The following KDM7A variants were observed in gnomAD, a reference collection of about 807,000 sequenced individuals.
KDM7A encodes the protein lysine demethylase 7A.
Under a neutral mutation model 114.8 loss-of-function variants are expected in KDM7A, and 28 were observed. The observed-to-expected ratio is 0.24, with a 90% confidence interval of 0.18 to 0.33. KDM7A has a LOEUF of 0.33. Ranked by LOEUF, KDM7A falls within the 10% of genes least tolerant of loss-of-function variation. KDM7A has a pLI of 1.00. For missense variants in KDM7A, 942 were observed against 1,142.5 expected (o/e 0.82, Z 2.53); for synonymous variants, 423 against 397.8 (o/e 1.06, Z -0.75).
intron 3 of KDM7A, among the ~76,000 whole-genome samples, chr7:140,130,401 A>G (rs960876908): frequency 1.3e-5 from 2 of 152,068 alleles, no homozygotes; most frequent in Non-Finnish European, 2.9e-5. Flanking sequence ...TGAGTGGATC[A>G]CCTGAGGTCA....
intron 11 of KDM7A, 94 bp downstream of exon 11, chr7:140,111,001 A>C (rs1431710963): frequency 5.7e-6 from 4 of 700,660 alleles, no homozygotes; most frequent in Non-Finnish European, 9.5e-6. Context: ...TAAGTGTGTA[A>C]GAGTTTTTAA....
rs187617079 is a variant in KDM7A at position 140,175,581 on chromosome 7, T to C, written c.194+1163A>G. Among the ~76,000 whole-genome samples, 14 of 152,332 alleles carry C rather than the reference T, an allele frequency of 9.2e-5. No individual in the cohort carries two copies. In the East Asian group the frequency reaches 2.3e-3, roughly 25 times the overall value. On this transcript the variant is annotated intron_variant, in intron 1 of 19. Coordinates refer to ENST00000397560, the MANE Select transcript of KDM7A (RefSeq NM_030647.2). ...TTTGGGAGCCCAACCCCAACTAGTT[T>C]CTTTGTTTAAATGCCTGTGAATCCC...
intron 1 of KDM7A, among the ~76,000 whole-genome samples, chr7:140,167,922 C>T (rs939636096): frequency 6.6e-6 from 1 of 151,412 alleles, no homozygotes; most frequent in Non-Finnish European, 1.5e-5. Context: ...TATTGAGGGA[C>T]AAAGGACTAA....
rs397974321 is a variant in KDM7A at position 140,154,499 on chromosome 7, T to TAAA, written c.195-15312_195-15310dup. Among the ~76,000 whole-genome samples the TAAA allele has an allele frequency of 5.7e-3, 425 of 74,270 alleles. 4 individuals carry two copies. The highest frequency in any genetic ancestry group is 0.019 in the African/African-American group (386 of 20,614). The allele number at this position is 74,270 out of a possible 152,430, so 48.7% of individuals were successfully genotyped here. A position where few individuals can be genotyped will look rare whatever the true frequency, so the allele number is the denominator to read the frequency against. On this transcript the variant is annotated intron_variant, in intron 1 of 19. Coordinates refer to ENST00000397560, the MANE Select transcript of KDM7A (RefSeq NM_030647.2). ...AAAGTAAGACTCTGTCTCTTAAAAT[T>TAAA]AAAAAAAAAAAAAAAAAAAAAGACA...
intron 3 of KDM7A, 150 bp downstream of exon 3, chr7:140,133,389 T>G (rs1818820503): frequency 1.9e-6 from 1 of 536,458 alleles, no homozygotes; most frequent in Admixed American, 3.2e-5. Flanking sequence ...ACTTTTCTAT[T>G]TCGTTAAGGA....
chr7:140,124,690 A>C lies in KDM7A; in HGVS notation c.982T>G (p.Phe328Val), dbSNP rs746658407. Residue 328 changes from phenylalanine (F) to valine (V), a missense_variant, in exon 7 of 20, where the codon TTT becomes GTT. By Grantham distance (50) the Phe-to-Val change is conservative (BLOSUM62 -1). This residue lies in a region of KDM7A where 318 missense variants were observed against 453.1 expected (regional missense o/e 0.70). Coordinates refer to ENST00000397560, the MANE Select transcript of KDM7A (RefSeq NM_030647.2). Reference sequence around the variant, plus strand: ...TAGCATTTATCCACCTTATCTCCAAAGAACACCTCACTCTGGGTCACAGAT... The same window carrying C: ...TAGCATTTATCCACCTTATCTCCAACGAACACCTCACTCTGGGTCACAGAT... The part of the protein sequence containing the change: ...SSSVTQSEVF[F>V]GDKVDKCYKC... 4 of 1,613,694 alleles carry C rather than the reference A, an allele frequency of 2.5e-6. No homozygotes were observed. The South Asian group carries it at 4.4e-5, about 18-fold the overall frequency.
At chr7:140,174,245 A>G (rs1412426161) in intron 1 of KDM7A, among the ~76,000 whole-genome samples, 1 of 152,130 alleles carries the variant, frequency 6.6e-6, no homozygotes, top group Non-Finnish European at 1.5e-5. Context: ...ATATAGCTAA[A>G]TTTTCTAACT....
At chr7:140,154,789 C>T (rs928199764) in intron 1 of KDM7A, among the ~76,000 whole-genome samples, 2 of 151,976 alleles carry the variant, frequency 1.3e-5, no homozygotes, top group African/African-American at 4.8e-5. Context: ...TTATTATTTT[C>T]CACCTTGGAA....
intron 11 of KDM7A, among the ~76,000 whole-genome samples, chr7:140,109,815 G>A (rs546975772): frequency 4.5e-4 from 69 of 152,194 alleles, no homozygotes; most frequent in Non-Finnish European, 1.5e-4. Context: ...ATAACCCAGC[G>A]CCACATAACA....
chr7:140,106,479 AT>A (rs1330586996), intron 11 of KDM7A, among the ~76,000 whole-genome samples: 1 of 152,194 alleles, frequency 6.6e-6, no homozygotes, highest in Non-Finnish European at 1.5e-5. Context: ...AGATTCTGGT[AT>A]GCTGTGTCTT....
At chr7:140,112,880 G>C (rs1818455536) in intron 10 of KDM7A, among the ~76,000 whole-genome samples, 1 of 152,240 alleles carries the variant, frequency 6.6e-6, no homozygotes, top group South Asian at 2.1e-4. Context: ...GAGGTGGTGG[G>C]ATTCAAATGC....
chr7:140,115,612 C>T (rs1398299113), intron 9 of KDM7A, among the ~76,000 whole-genome samples: 6 of 151,848 alleles, frequency 4.0e-5, no homozygotes, highest in Admixed American at 3.9e-4. Context: ...CGTTAAGAGT[C>T]ATCACCACTC....
intron 2 of KDM7A, 41 bp downstream of exon 2, chr7:140,139,064 T>C: frequency 7.5e-7 from 1 of 1,330,022 alleles, no homozygotes; most frequent in Admixed American, 1.7e-5. Flanking sequence ...AATGTCAGTT[T>C]TTCTGAAATG....
chr7:140,092,040 C>A lies in KDM7A; in HGVS notation c.2495G>T (p.Gly832Val). ...TACCCTCTGACTAATTTCTGATGAACCTTCCTTTCTGATGCATTTCTGGCT... is the reference window on the plus strand; with the variant it reads ...TACCCTCTGACTAATTTCTGATGAAACTTCCTTTCTGATGCATTTCTGGCT... ...SRSQKCIRKE[G>V]SSEISQRVQS... Residue 832 changes from glycine to valine, a missense_variant, in exon 19 of 20, where the codon GGT (glycine) becomes GTT (valine). By Grantham distance (109) the Gly-to-Val change is moderately radical (BLOSUM62 -3). Coordinates refer to ENST00000397560, the MANE Select transcript of KDM7A (RefSeq NM_030647.2). The A allele has an allele frequency of 6.2e-7, 1 of 1,614,134 alleles. No individual in the cohort carries two copies. Among genetic ancestry groups the A allele is most frequent in the Non-Finnish European group, 8.5e-7 (1 of 1,180,014 alleles).
chr7:140,174,057 G>A (rs998001817), intron 1 of KDM7A, among the ~76,000 whole-genome samples: 3 of 151,862 alleles, frequency 2.0e-5, no homozygotes, highest in Non-Finnish European at 4.4e-5. Context: ...CCAGCTACTC[G>A]GGAGGCTGAG....
chr7:140,092,170 A>T (rs1818030910), intron 18 of KDM7A, 93 bp from the exon 19 acceptor site: 2 of 1,161,528 alleles, frequency 1.7e-6, no homozygotes, highest in Non-Finnish European at 2.5e-6. Context: ...GTGAGAGAAG[A>T]AACAAACTAC....
intron 11 of KDM7A, among the ~76,000 whole-genome samples, chr7:140,109,177 C>T (rs1390628225): frequency 7.9e-5 from 12 of 152,216 alleles, no homozygotes; most frequent in African/African-American, 2.7e-4. Flanking sequence ...TCACGGCTTC[C>T]CTTAGCTAGG....
rs1818064440 is a variant in KDM7A, at chr7:140,094,042, A to C, written c.2457+14T>G. The C allele has an allele frequency of 1.4e-6, 2 of 1,478,648 alleles. No individual in the cohort carries two copies. The allele number at this position is 1,478,648 out of a possible 1,614,324, so 91.6% of individuals were successfully genotyped here. On this transcript the variant is annotated intron_variant, in intron 18 of 19. Transcript: ENST00000397560. ...TTTTAAATCTCCTTTTAACGTTTCA[A>C]ACTTTGAATATACCTGAGGATGAAA...
rs569784019 is a variant in KDM7A, at chr7:140,090,438, T to C, written c.*656A>G. ...GGATAACAGTATGCACCTTGGATGTTAGCAAAAGCGAAGCTAATAGCTTAT... is the reference window on the plus strand; with the variant it reads ...GGATAACAGTATGCACCTTGGATGTCAGCAAAAGCGAAGCTAATAGCTTAT... On this transcript the variant is annotated 3_prime_UTR_variant, in exon 20 of 20. Coordinates refer to ENST00000397560, the MANE Select transcript of KDM7A (RefSeq NM_030647.2). 6.6e-6 allele frequency: 1 copy of C among 152,298 alleles called. No homozygotes were observed. Among genetic ancestry groups the C allele is most frequent in the African/African-American group, 2.4e-5 (1 of 41,550 alleles). The allele number at this position is 152,298 out of a possible 1,614,324, so 9.4% of individuals were successfully genotyped here.
Sources: gnomAD v4.1 joint callset for allele counts (sites outside exome capture counted in the v4.1 genomes callset) on GRCh38, gnomAD v4.1.1 for gene constraint, gnomAD v4.1.1 regional missense constraint, MANE v1.5 for transcripts, NCBI Gene and HGNC (gene_info 2026-07-23, HGNC 2026-07-21) for gene names.